ST8SIA6: variants seen among roughly 807,000 people sequenced by gnomAD.
ST8SIA6 encodes ST8 alpha-N-acetyl-neuraminide alpha-2,8-sialyltransferase 6.
ST8SIA6 carries 39 observed loss-of-function variants against 33.6 expected under a neutral mutation model. The ratio of observed to expected loss-of-function variants is 1.16; its 90% CI spans 0.90 to 1.52. ST8SIA6 has a LOEUF of 1.52. ST8SIA6 is among the 40% of genes most tolerant of loss of function. ST8SIA6 has a pLI of 0.00. For synonymous variants in ST8SIA6, 172 were observed against 167.2 expected, an observed-to-expected ratio of 1.03 and a Z score of -0.22; for missense variants, 441 against 443.8, an observed-to-expected ratio of 0.99 and a Z score of 0.06.
chr10:17,410,852 C>T (rs3737016), intron 2 of ST8SIA6, among the ~76,000 whole-genome samples: 8,572 of 152,138 alleles, frequency 0.056, 368 homozygotes, highest in East Asian at 0.25. Context: ...TGAGATTTTA[C>T]CATATTTAAA....
In ST8SIA6 at chr10:17,420,483, G is replaced by T. The variant is rs116810081; in HGVS notation, c.201-29863C>A. ...ACATTTTTGTTATGGTGAAAGTCAT[G>T]TGAATATTTGCATTACATGTGATCA... On this transcript the variant is annotated intron_variant, in intron 2 of 7. Coordinates refer to ENST00000377602, the MANE Select transcript of ST8SIA6 (RefSeq NM_001004470.3). 4.6e-3 allele frequency among the ~76,000 whole-genome samples: 706 copies of T among 152,328 alleles called. 4 individuals are homozygous for T. Among genetic ancestry groups the T allele is most frequent in the African/African-American group, 0.016 (680 of 41,576 alleles).
intron 2 of ST8SIA6, among the ~76,000 whole-genome samples, chr10:17,423,607 C>T (rs978289394): frequency 6.6e-6 from 1 of 152,212 alleles, no homozygotes; most frequent in Admixed American, 6.5e-5. Flanking sequence ...TCTAGATGCT[C>T]TTCCTTTCTC....
intron 2 of ST8SIA6, among the ~76,000 whole-genome samples, chr10:17,427,140 A>G (rs1175316787): frequency 6.6e-6 from 1 of 151,922 alleles, no homozygotes; most frequent in Non-Finnish European, 1.5e-5. Flanking sequence ...GAAAGGGGGA[A>G]AGGGGGATAA....
intron 2 of ST8SIA6, among the ~76,000 whole-genome samples, chr10:17,433,089 A>T (rs1387149211): frequency 6.6e-6 from 1 of 152,178 alleles, no homozygotes; most frequent in Non-Finnish European, 1.5e-5. Context: ...AACTCCTTTA[A>T]ATTTAATTTG....
At chr10:17,360,907 G>C (rs1434083142) in intron 3 of ST8SIA6, among the ~76,000 whole-genome samples, 1 of 149,174 alleles carries the variant, frequency 6.7e-6, no homozygotes, top group African/African-American at 2.5e-5. Context: ...CGAAGAAGAA[G>C]AAGAGGAAGA....
chr10:17,389,881 G>C (rs1850522101), intron 3 of ST8SIA6, among the ~76,000 whole-genome samples: 1 of 152,166 alleles, frequency 6.6e-6, no homozygotes, highest in Non-Finnish European at 1.5e-5. Context: ...GGACGAAGTG[G>C]TGCAGTCATA....
chr10:17,343,622 CAGAA>C lies in ST8SIA6; in HGVS notation c.378-12074_378-12071del, dbSNP rs1294315244. On this transcript the variant is annotated intron_variant, in intron 4 of 7. Transcript: ENST00000377602. ...AGTAATGGGCACATGAAATAAAACA[CAGAA>C]AGAGAGCCCTGAGAAAAACAGAAGA... Among the ~76,000 whole-genome samples the C allele has an allele frequency of 8.5e-5, 13 of 152,108 alleles. No homozygotes were observed. The South Asian group carries it at 2.5e-3, about 29-fold the overall frequency.
At position 17,344,489 on chromosome 10, in the gene ST8SIA6, C is replaced by T. The variant is rs576548100; in HGVS notation, c.378-12937G>A. Among the ~76,000 whole-genome samples the T allele has an allele frequency of 6.6e-5, 10 of 152,278 alleles. No individual in the cohort carries two copies. In the South Asian group the frequency reaches 1.7e-3, roughly 25 times the overall value. On this transcript the variant is annotated intron_variant, in intron 4 of 7. Transcript: ENST00000377602. ...ACCATCGGATCTCATGAGACTTACT[C>T]ACTACCATGAGAACAGTATGGGGGA...
At chr10:17,371,800 A>AAAAG (rs1337946524) in intron 3 of ST8SIA6, among the ~76,000 whole-genome samples, 43 of 144,012 alleles carry the variant, frequency 3.0e-4, no homozygotes, top group African/African-American at 1.1e-3. Flanking sequence ...AAAAAAAAAA[A>AAAAG]AAAGAAAGAA....
chr10:17,337,689 AT>A (rs1848550405), intron 4 of ST8SIA6, among the ~76,000 whole-genome samples: 1 of 152,196 alleles, frequency 6.6e-6, no homozygotes, highest in African/African-American at 2.4e-5. Context: ...TTTTATCTCT[AT>A]TATGCTATTT....
At chr10:17,422,052 T>C (rs1851794592) in intron 2 of ST8SIA6, among the ~76,000 whole-genome samples, 1 of 151,956 alleles carries the variant, frequency 6.6e-6, no homozygotes, top group Non-Finnish European at 1.5e-5. Flanking sequence ...ATTTCATACA[T>C]AAAGATAACT....
At chr10:17,322,244 AAAAG>A (rs1847984131) in intron 7 of ST8SIA6, among the ~76,000 whole-genome samples, 2 of 151,688 alleles carry the variant, frequency 1.3e-5, no homozygotes, top group Admixed American at 6.6e-5. Flanking sequence ...AAGAAAGAGA[AAAAG>A]AAAGGAAAAA....
intron 2 of ST8SIA6, among the ~76,000 whole-genome samples, chr10:17,426,698 A>G (rs1280089532): frequency 6.6e-6 from 1 of 152,212 alleles, no homozygotes; most frequent in African/African-American, 2.4e-5. Flanking sequence ...GGCTGCTACA[A>G]TGTAAAAGCG....
In ST8SIA6 at chr10:17,317,206, G is replaced by A. The variant is rs1185529359; in HGVS notation, c.*3672C>T. 6.6e-6 allele frequency among the ~76,000 whole-genome samples: 1 copy of A among 152,086 alleles called. No individual in the cohort carries two copies. The highest frequency in any genetic ancestry group is 1.5e-5 in the Non-Finnish European group (1 of 68,014). On this transcript the variant is annotated 3_prime_UTR_variant, in exon 8 of 8. Transcript: ENST00000377602. ...TATTATCTGCTAAAGAGTTTGCCCT[G>A]TCTCCATTACATAAGTAGCGCATCT...
chr10:17,377,324 C>T (rs1236923570), intron 3 of ST8SIA6, among the ~76,000 whole-genome samples: 1 of 152,214 alleles, frequency 6.6e-6, no homozygotes, highest in Non-Finnish European at 1.5e-5. Flanking sequence ...CTTGGTCTGC[C>T]TCCACCCAGG....
At chr10:17,347,870 C>A (rs1328468487) in intron 4 of ST8SIA6, among the ~76,000 whole-genome samples, 1 of 147,116 alleles carries the variant, frequency 6.8e-6, no homozygotes, top group African/African-American at 2.5e-5. Context: ...GCAGGAGAAT[C>A]GCTTGAACCC....
intron 2 of ST8SIA6, among the ~76,000 whole-genome samples, chr10:17,417,410 TC>T (rs1166900937): frequency 6.6e-6 from 1 of 152,144 alleles, no homozygotes; most frequent in Admixed American, 6.5e-5. Flanking sequence ...GGGCTGCTGT[TC>T]CTCTGCCTTG....
intron 3 of ST8SIA6, among the ~76,000 whole-genome samples, chr10:17,385,168 C>G (rs992489419): frequency 6.6e-6 from 1 of 152,114 alleles, no homozygotes; most frequent in South Asian, 2.1e-4. Flanking sequence ...CATTCTATTC[C>G]AAGTTATCCC....
At chr10:17,333,141 C>G (rs892485925) in intron 4 of ST8SIA6, among the ~76,000 whole-genome samples, 1 of 152,080 alleles carries the variant, frequency 6.6e-6, no homozygotes, top group African/African-American at 2.4e-5. Context: ...CTCCCATTCA[C>G]AATTGCCACA....
Sources: gnomAD v4.1 joint callset for allele counts (sites outside exome capture counted in the v4.1 genomes callset) on GRCh38, gnomAD v4.1.1 for gene constraint, MANE v1.5 for transcripts, NCBI Gene and HGNC (gene_info 2026-07-23, HGNC 2026-07-21) for gene names.